ZNF786: variants seen among roughly 807,000 people sequenced by gnomAD.
ZNF786 encodes the protein zinc finger protein 786.
A neutral mutation model predicts 63.1 loss-of-function variants in ZNF786; 56 were observed. The ratio of observed to expected loss-of-function variants is 0.89; its 90% CI spans 0.72 to 1.11. The LOEUF (loss-of-function observed/expected upper bound fraction) is 1.11. ZNF786 is among the 50% of genes least tolerant of loss of function. ZNF786 has a pLI of 0.00. For synonymous variants in ZNF786, 485 were observed against 406.9 expected (o/e 1.19, Z -2.31); for missense variants, 1,213 against 1,041.8 (o/e 1.16, Z -2.26).
At chr7:149,072,521 A>G (rs1443639042) in intron 3 of ZNF786, 48 bp from the exon 4 acceptor site, 2 of 1,489,748 alleles carry the variant, frequency 1.3e-6, no homozygotes, top group African/African-American at 1.4e-5. Flanking sequence ...CTGCAGCACT[A>G]CTAGCGATTC....
chr7:149,090,120 C>A (rs1825806005), intron 1 of ZNF786, among the ~76,000 whole-genome samples: 1 of 152,162 alleles, frequency 6.6e-6, no homozygotes, highest in African/African-American at 2.4e-5. Flanking sequence ...TTTTTGTATC[C>A]TCTTCTACTC....
chr7:149,090,556 C>T (rs1825814221), intron 1 of ZNF786, 67 bp downstream of exon 1: 1 of 1,459,220 alleles, frequency 6.9e-7, no homozygotes, highest in South Asian at 1.4e-5. Flanking sequence ...AGGACACGGG[C>T]GAGCCCGGAA....
chr7:149,078,392 T>C (rs1202271411), intron 2 of ZNF786, among the ~76,000 whole-genome samples: 2 of 152,068 alleles, frequency 1.3e-5, no homozygotes, highest in African/African-American at 4.8e-5. Flanking sequence ...CTGCAAAAGT[T>C]AACTATGGTA....
In ZNF786 at chr7:149,083,768, C is replaced by T. The variant is rs78456460; in HGVS notation, c.19-3051G>A. Among the ~76,000 whole-genome samples the T allele has an allele frequency of 9.3e-3, 1,418 of 152,260 alleles. 11 individuals carry two copies. Among genetic ancestry groups the T allele is most frequent in the Non-Finnish European group, 0.014 (959 of 68,018 alleles). On this transcript the variant is annotated intron_variant, in intron 1 of 3. Coordinates refer to ENST00000491431, the MANE Select transcript of ZNF786 (RefSeq NM_152411.4). The stretch of plus-strand genomic sequence containing the variant: ...ATCCATATATACTCAGTGTTTAGCT[C>T]GCCCTTATAAGTGAGAACGGCACTT...
chr7:149,073,304 GA>G (rs1185547613), intron 3 of ZNF786, among the ~76,000 whole-genome samples: 1 of 152,188 alleles, frequency 6.6e-6, no homozygotes, highest in East Asian at 1.9e-4. Context: ...CTCATGACAA[GA>G]AATGAAAGAG....
intron 1 of ZNF786, among the ~76,000 whole-genome samples, chr7:149,088,134 C>G (rs1216341853): frequency 2.0e-5 from 3 of 151,942 alleles, no homozygotes; most frequent in Admixed American, 2.0e-4. Context: ...TCTCGAGTAT[C>G]TGGGATTACA....
intron 2 of ZNF786, among the ~76,000 whole-genome samples, chr7:149,077,950 C>T (rs1173998012): frequency 2.6e-5 from 4 of 151,262 alleles, no homozygotes; most frequent in African/African-American, 9.7e-5. Context: ...GTAGCCTCCG[C>T]CTCCTGGGTT....
intron 2 of ZNF786, among the ~76,000 whole-genome samples, chr7:149,075,658 T>TTTG (rs1825533206): frequency 3.7e-5 from 4 of 106,704 alleles, no homozygotes; most frequent in South Asian, 7.6e-4. Flanking sequence ...ACTTCAGGTT[T>TTTG]TTTTTTTTTT....
chr7:149,082,904 T>C (rs1825675623), intron 1 of ZNF786, among the ~76,000 whole-genome samples: 1 of 150,962 alleles, frequency 6.6e-6, no homozygotes, highest in African/African-American at 2.4e-5. Flanking sequence ...TATTTTTATT[T>C]ATTCATTTTG....
intron 3 of ZNF786, 27 bp from the exon 4 acceptor site, chr7:149,072,500 G>A (rs1465424756): frequency 4.6e-6 from 7 of 1,537,702 alleles, no homozygotes; most frequent in African/African-American, 2.7e-5. Flanking sequence ...AAATTCAGTC[G>A]GTATTCCTGT....
intron 2 of ZNF786, among the ~76,000 whole-genome samples, chr7:149,080,365 C>A (rs1363210542): frequency 6.6e-6 from 1 of 152,100 alleles, no homozygotes; most frequent in Non-Finnish European, 1.5e-5. Context: ...TATTTAGTCA[C>A]CCGGACCACC....
chr7:149,073,169 A>G (rs903952978), intron 3 of ZNF786, among the ~76,000 whole-genome samples: 6 of 152,216 alleles, frequency 3.9e-5, no homozygotes, highest in African/African-American at 1.2e-4. Context: ...TTTGTGGGGG[A>G]AAAACCTTCA....
chr7:149,072,756 A>G (rs1471039245), intron 3 of ZNF786, among the ~76,000 whole-genome samples: 1 of 152,210 alleles, frequency 6.6e-6, no homozygotes, highest in African/African-American at 2.4e-5. Flanking sequence ...TTTGAATCCT[A>G]TCTGTCCACT....
intron 2 of ZNF786, among the ~76,000 whole-genome samples, chr7:149,078,206 G>C (rs188422480): frequency 6.6e-6 from 1 of 152,042 alleles, no homozygotes. Context: ...ATGAAAAAAA[G>C]AGAATCCATT....
Position 149,072,054 on chromosome 7 carries a change from A to C in ZNF786, c.718T>G (p.Phe240Val), listed in dbSNP as rs1462141520. Reference protein sequence around the residue: ...PWSSPRVQRHFRCGVCGKSFR... With the variant: ...PWSSPRVQRHVRCGVCGKSFR... ...CTCTTACCGCACACGCCACACCGGA[A>C]GTGCCTCTGTACCCGAGGGCTGCTC... Residue 240 changes from phenylalanine to valine, a missense_variant, in exon 4 of 4, where the codon TTC (phenylalanine) becomes GTC (valine). Transcript: ENST00000491431. 6.2e-7 allele frequency: 1 copy of C among 1,613,350 alleles called. No individual in the cohort carries two copies. The highest frequency in any genetic ancestry group is 1.7e-5 in the Admixed American group (1 of 59,956).
At chr7:149,084,254 C>T (rs1326165117) in intron 1 of ZNF786, among the ~76,000 whole-genome samples, 5 of 147,986 alleles carry the variant, frequency 3.4e-5, no homozygotes, top group African/African-American at 1.3e-4. Context: ...CCCAGCTACT[C>T]AGGAGGCTAA....
At position 149,090,615 on chromosome 7, in the gene ZNF786, C is replaced by T. The variant is rs535937923; in HGVS notation, c.18+8G>A. 1.9e-6 allele frequency: 3 copies of T among 1,590,308 alleles called. No homozygotes were observed. The South Asian group carries it at 3.4e-5, about 18-fold the overall frequency. On this transcript the variant is annotated splice_region_variant and intron_variant, in intron 1 of 3. Coordinates refer to ENST00000491431, the MANE Select transcript of ZNF786 (RefSeq NM_152411.4). ...AAACCGGGCGTCCAAACAGGCTAGC[C>T]CGCTTACCCGAGGCGGCTCCGCCAT...
chr7:149,088,623 C>A (rs907628986), intron 1 of ZNF786, among the ~76,000 whole-genome samples: 15 of 152,136 alleles, frequency 9.9e-5, no homozygotes, highest in African/African-American at 3.6e-4. Context: ...GTTTAAAAAT[C>A]CAGAGAGTTA....
Position 149,072,155 on chromosome 7 carries a change from TG to T in ZNF786, c.616del (p.Gln206ArgfsTer76). 1 of 1,613,250 alleles carries T rather than the reference TG, an allele frequency of 6.2e-7. No homozygotes were observed. Among genetic ancestry groups the T allele is most frequent in the Non-Finnish European group, 8.5e-7 (1 of 1,179,730 alleles). ...TGTCCGGTCCTTTGAGTGGCCTCTC[TG>T]GTGCATTACTAAATGGTTGTTCTCC... Reference protein sequence around the residue: ...CWENNHLVMHQRGHSKDRTRR... With the variant: ...CWENNHLVMHXRGHSKDRTRR... On this transcript the variant is annotated frameshift_variant, in exon 4 of 4. Transcript: ENST00000491431. LOFTEE classifies it high-confidence loss of function.
Sources: gnomAD v4.1 joint callset for allele counts (sites outside exome capture counted in the v4.1 genomes callset) on GRCh38, gnomAD v4.1.1 for gene constraint, MANE v1.5 for transcripts, NCBI Gene and HGNC (gene_info 2026-07-23, HGNC 2026-07-21) for gene names.